BTNL9: variants seen among roughly 807,000 people sequenced by gnomAD.
BTNL9 encodes butyrophilin-like protein 9.
In BTNL9, 45 loss-of-function variants were observed where a neutral mutation model predicts 45.8. That is an observed-to-expected ratio of 0.98 (90% CI 0.77 to 1.26). BTNL9 has a LOEUF of 1.26. Ranked by LOEUF, BTNL9 falls within the 50% of genes most tolerant of loss-of-function variation. BTNL9 has a pLI of 0.00. For missense variants in BTNL9, 784 were observed against 729.7 expected, an observed-to-expected ratio of 1.07 and a Z score of -0.86; for synonymous variants, 346 against 330.8, an observed-to-expected ratio of 1.05 and a Z score of -0.50.
intron 2 of BTNL9, among the ~76,000 whole-genome samples, chr5:181,046,399 G>A (rs183876968): frequency 1.8e-3 from 275 of 152,110 alleles, no homozygotes; most frequent in Middle Eastern, 6.8e-3. Context: ...AGCAGAGCAA[G>A]ACGGTGCCAG....
At position 181,050,671 on chromosome 5, in the gene BTNL9, G is replaced by A. The variant is rs1315678370; in HGVS notation, c.736+302G>A. Among the ~76,000 whole-genome samples the A allele has an allele frequency of 6.6e-6, 1 of 152,184 alleles. No individual in the cohort carries two copies. Among genetic ancestry groups the A allele is most frequent in the East Asian group, 1.9e-4 (1 of 5,194 alleles). ...TGGGAGCCAATAGATTCGTAATGCTGTCTCTCAAACAGTATGTATTGAGTT... is the reference window on the plus strand; with the variant it reads ...TGGGAGCCAATAGATTCGTAATGCTATCTCTCAAACAGTATGTATTGAGTT... On this transcript the variant is annotated intron_variant, in intron 4 of 10. Transcript: ENST00000327705. This position sits in a 1 kb window ranked among gnomAD's most constrained non-coding sequence, Gnocchi z 4.9.
At chr5:181,054,190 C>T in intron 6 of BTNL9, 49 bp from the exon 7 acceptor site, 1 of 1,612,700 alleles carries the variant, frequency 6.2e-7, no homozygotes, top group Non-Finnish European at 8.5e-7. Context: ...ATTCCCCAAC[C>T]TGAGAGTCTT....
chr5:181,052,269 G>T (rs1248837806), intron 4 of BTNL9, among the ~76,000 whole-genome samples: 2 of 152,184 alleles, frequency 1.3e-5, no homozygotes. Flanking sequence ...TTACCTAGAG[G>T]AGTCAAGTCC....
At chr5:181,048,606 T>G (rs933575541) in intron 3 of BTNL9, among the ~76,000 whole-genome samples, 14 of 151,242 alleles carry the variant, frequency 9.3e-5, no homozygotes, top group African/African-American at 3.4e-4. Context: ...GGTGTGGTGG[T>G]GCGTGCCTGT....
At position 181,060,173 on chromosome 5, in the gene BTNL9, G is replaced by C; in HGVS notation, c.*311G>C. 1 of 401,262 alleles carries C rather than the reference G, an allele frequency of 2.5e-6. No homozygotes were observed. The highest frequency in any genetic ancestry group is 4.4e-6 in the Non-Finnish European group (1 of 226,628). 24.9% of individuals were successfully genotyped at this position (401,262 alleles called of 1,614,324 possible). The stretch of plus-strand genomic sequence containing the variant: ...AAGCCAGCATGGAAGAAAGAAGGGA[G>C]AAAACTTTGGTGACTGCCTTAGAGG... On this transcript the variant is annotated 3_prime_UTR_variant, in exon 11 of 11. Transcript: ENST00000327705.
Position 181,059,831 on chromosome 5 carries a change from A to T in BTNL9, c.1577A>T (p.Glu526Val). 6.3e-7 allele frequency: 1 copy of T among 1,589,554 alleles called. No homozygotes were observed. The highest frequency in any genetic ancestry group is 8.5e-7 in the Non-Finnish European group (1 of 1,174,026). Reference sequence around the variant, plus strand: ...AGTGACACCTGGCTACAGCCCTATGAGCCCGCGGACCCCGCCCTGGACTGG... The same window carrying T: ...AGTGACACCTGGCTACAGCCCTATGTGCCCGCGGACCCCGCCCTGGACTGG... ...NDSDTWLQPY[E>V]PADPALDWW Residue 526 changes from glutamate to valine, a missense_variant, in exon 11 of 11, where the codon GAG (glutamate) becomes GTG (valine). Transcript: ENST00000327705.
At position 181,053,621 on chromosome 5, in the gene BTNL9, G is replaced by C; in HGVS notation, c.886+120G>C. ...AGCGCGAGGTGTCAGGGCGGCCACCGGGGAACGGGGATCGGTGACCCCGGT... is the reference window on the plus strand; with the variant it reads ...AGCGCGAGGTGTCAGGGCGGCCACCCGGGAACGGGGATCGGTGACCCCGGT... On this transcript the variant is annotated intron_variant, in intron 6 of 10. Coordinates refer to ENST00000327705, the MANE Select transcript of BTNL9 (RefSeq NM_152547.5). This position sits in a 1 kb window ranked among gnomAD's most constrained non-coding sequence, Gnocchi z 6.5. 6.5e-7 allele frequency: 1 copy of C among 1,545,402 alleles called. No homozygotes were observed. The highest frequency in any genetic ancestry group is 1.4e-5 in the African/African-American group (1 of 73,010).
intron 3 of BTNL9, 147 bp from the exon 4 acceptor site, chr5:181,049,941 C>A: frequency 1.0e-6 from 1 of 994,070 alleles, no homozygotes; most frequent in Non-Finnish European, 1.5e-6. Context: ...CGTCCATGGG[C>A]GGGGAGCGCC....
chr5:181,050,338 C>A lies in BTNL9; in HGVS notation c.705C>A (p.Ser235Arg). The change falls in exon 4 of 11, where the codon AGC becomes AGA. Residue 235 changes from serine (S) to arginine (R), a missense_variant. Transcript: ENST00000327705. The surrounding 1 kb of genome is among the most constrained non-coding windows in gnomAD (Gnocchi z 4.9). ...TCTCCATCCAGAATCTCCTCTTGAGCCAGAAGAAAGAGTTGGTGGTCCAGA... is the reference window on the plus strand; with the variant it reads ...TCTCCATCCAGAATCTCCTCTTGAGACAGAAGAAAGAGTTGGTGGTCCAGA... The part of the protein sequence containing the change: ...VSVSIQNLLL[S>R]QKKELVVQIA... 6.2e-7 allele frequency: 1 copy of A among 1,614,066 alleles called. No individual in the cohort carries two copies. The highest frequency in any genetic ancestry group is 8.5e-7 in the Non-Finnish European group (1 of 1,180,022).
chr5:181,059,294 G>T lies in BTNL9; in HGVS notation c.1040G>T (p.Gly347Val). The change falls in exon 11 of 11, where the codon GGC becomes GTC. Residue 347 changes from glycine (G) to valine (V), a missense_variant. Gly to Val is a moderately radical substitution (Grantham distance 109). Transcript: ENST00000327705. Reference protein sequence around the residue: ...AHPSLEVSEDGKSVSSRGAPP... With the variant: ...AHPSLEVSEDVKSVSSRGAPP... ...CCCAGCCTGGAGGTGTCGGAGGATG[G>T]CAAGAGCGTGTCTTCCCGCGGGGCG... 1 of 1,570,680 alleles carries T rather than the reference G, an allele frequency of 6.4e-7. No homozygotes were observed. The highest frequency in any genetic ancestry group is 1.2e-5 in the South Asian group (1 of 86,660).
At chr5:181,047,413 A>G in intron 2 of BTNL9, 1 of 805,794 alleles carries the variant, frequency 1.2e-6, no homozygotes, top group Non-Finnish European at 1.5e-6. Context: ...TGTACATGTG[A>G]ATTATTTTTT....
At chr5:181,056,557 C>G in intron 9 of BTNL9, 1 of 717,546 alleles carries the variant, frequency 1.4e-6, no homozygotes, top group Non-Finnish European at 2.6e-6. Context: ...TTTTAGCCAG[C>G]CACCCTCCTG....
In BTNL9 at chr5:181,050,391, C is replaced by T; in HGVS notation, c.736+22C>T. The T allele has an allele frequency of 1.2e-6, 2 of 1,611,150 alleles. No homozygotes were observed. The highest frequency in any genetic ancestry group is 1.1e-5 in the South Asian group (1 of 90,606). On this transcript the variant is annotated intron_variant, in intron 4 of 10. Coordinates refer to ENST00000327705, the MANE Select transcript of BTNL9 (RefSeq NM_152547.5). The surrounding 1 kb of genome is among the most constrained non-coding windows in gnomAD (Gnocchi z 4.9). ...GCAGGTCAGTGGCTGTTAGCTCACA[C>T]CCATCTTCCTAGTCCTCATGTGTAC...
chr5:181,053,755 C>A lies in BTNL9; in HGVS notation c.886+254C>A, dbSNP rs755195591. ...CAGGGTTGACCGGCTGCTGTCGTTA[C>A]GCCCTCGGAGCTTCACATCACACTG... On this transcript the variant is annotated intron_variant, in intron 6 of 10. Coordinates refer to ENST00000327705, the MANE Select transcript of BTNL9 (RefSeq NM_152547.5). The surrounding 1 kb of genome is among the most constrained non-coding windows in gnomAD (Gnocchi z 6.5). 3 of 1,513,234 alleles carry A rather than the reference C, an allele frequency of 2.0e-6. No homozygotes were observed. The highest frequency in any genetic ancestry group is 2.1e-5 in the Admixed American group (1 of 48,730). 93.7% of individuals were successfully genotyped at this position (1,513,234 alleles called of 1,614,324 possible).
At chr5:181,041,079 T>C (rs1041470527) in intron 1 of BTNL9, among the ~76,000 whole-genome samples, 22 of 152,240 alleles carry the variant, frequency 1.4e-4, no homozygotes, top group African/African-American at 5.3e-4. Flanking sequence ...GCAAGAGACA[T>C]GGCATTTATT....
In BTNL9 at chr5:181,059,439, C is replaced by G; in HGVS notation, c.1185C>G (p.Arg395=). ...AGGTGCACGTGGGCCGCCGCAGCCG[C>G]TGGTTCCTGGGCGCCTGCCTGGCCG... ...YWEVHVGRRS[R]WFLGACLAAV... The change falls in exon 11 of 11, where the codon CGC becomes CGG. Residue 395 remains arginine, a synonymous_variant. Transcript: ENST00000327705. The G allele has an allele frequency of 1.4e-6, 2 of 1,473,988 alleles. No individual in the cohort carries two copies. Among genetic ancestry groups the G allele is most frequent in the Non-Finnish European group, 1.8e-6 (2 of 1,117,314 alleles). The allele number at this position is 1,473,988 out of a possible 1,614,324, so 91.3% of individuals were successfully genotyped here.
rs1350723027 is a variant in BTNL9, at chr5:181,048,105, G to C, written c.288G>C (p.Gln96His). The C allele has an allele frequency of 8.1e-6, 13 of 1,613,680 alleles. No individual in the cohort carries two copies. The highest frequency in any genetic ancestry group is 1.0e-5 in the Non-Finnish European group (12 of 1,180,012). ...AGCAGCAGGAGCTCCCTGGCAGGCA[G>C]ATGCCGGCGTTCCGGAACAGGACCA... is the stretch of plus-strand genomic sequence containing the variant. The part of the protein sequence containing the change: ...YQEQQELPGR[Q>H]MPAFRNRTKL... Residue 96 changes from glutamine (Q) to histidine (H), a missense_variant, in exon 3 of 11, where the codon CAG (glutamine) becomes CAC (histidine). Coordinates refer to ENST00000327705, the MANE Select transcript of BTNL9 (RefSeq NM_152547.5).
At position 181,050,238 on chromosome 5, in the gene BTNL9, T is replaced by G; in HGVS notation, c.605T>G (p.Val202Gly). The G allele has an allele frequency of 6.2e-7, 1 of 1,614,096 alleles. No individual in the cohort carries two copies. Among genetic ancestry groups the G allele is most frequent in the Non-Finnish European group, 8.5e-7 (1 of 1,180,006 alleles). Residue 202 changes from valine to glycine, a missense_variant, in exon 4 of 11, where the codon GTC becomes GGC. Physicochemically the swap from Val to Gly is moderately radical, Grantham distance 109 (BLOSUM62 -3). Transcript: ENST00000327705. This position sits in a 1 kb window ranked among gnomAD's most constrained non-coding sequence, Gnocchi z 4.9. ...QCLPPEFEAI[V>G]WDAQDLFSLE... ...CTGCCTCCAGAGTTTGAAGCCATCG[T>G]CTGGGATGCCCAGGACCTGTTCAGT...
rs540698898 is a variant in BTNL9, at chr5:181,053,419, G to A, written c.854-50G>A. 138 of 1,546,230 alleles carry A rather than the reference G, an allele frequency of 8.9e-5. 1 individual carries two copies. The South Asian group carries it at 1.4e-3, about 15-fold the overall frequency. Reference sequence around the variant, plus strand: ...GGACGCGGCGCGGGAAGGCGGCCTGGAAGGGGCGGGGGCGCGCACTCAGCC... The same window carrying A: ...GGACGCGGCGCGGGAAGGCGGCCTGAAAGGGGCGGGGGCGCGCACTCAGCC... On this transcript the variant is annotated intron_variant, in intron 5 of 10. Coordinates refer to ENST00000327705, the MANE Select transcript of BTNL9 (RefSeq NM_152547.5). This position sits in a 1 kb window ranked among gnomAD's most constrained non-coding sequence, Gnocchi z 6.5.
Sources: allele counts gnomAD v4.1 joint callset (sites outside exome capture counted in the v4.1 genomes callset), GRCh38; gene constraint gnomAD v4.1.1; non-coding constraint Gnocchi (gnomAD v3.1); transcripts MANE v1.5; gene names NCBI Gene and HGNC (gene_info 2026-07-23, HGNC 2026-07-21).